The following CACNA1A variants were observed in gnomAD, a reference collection of about 807,000 sequenced individuals.
CACNA1A encodes voltage-dependent P/Q-type calcium channel subunit alpha-1A.
CACNA1A carries 57 observed loss-of-function variants against 262.4 expected under a neutral mutation model. The observed-to-expected ratio is 0.22, with a 90% CI of 0.18 to 0.27. The LOEUF is 0.27. CACNA1A is among the 10% of genes least tolerant of loss of function. The pLI is 1.00. For missense variants in CACNA1A, 2,526 were observed against 3,562.8 expected (o/e 0.71, Z 7.41); for synonymous variants, 1,431 against 1,419.3 (o/e 1.01, Z -0.18).
intron 24 of CACNA1A, chr19:13,272,047 G>A (rs908231156): frequency 2.6e-5 from 4 of 152,242 alleles, no homozygotes; most frequent in Non-Finnish European, 5.9e-5. Flanking sequence ...GCCTCCGAAA[G>A]AGCTAGGATT....
At chr19:13,235,834 A>G (rs952663139) in intron 31 of CACNA1A, 104 bp from the exon 32 acceptor site, 3 of 706,842 alleles carry the variant, frequency 4.2e-6, no homozygotes, top group South Asian at 1.7e-5. Context: ...ACAGGAAAAA[A>G]GCAAGCCAGA....
chr19:13,424,389 C>T (rs2060366288), intron 3 of CACNA1A, among the ~76,000 whole-genome samples: 1 of 152,030 alleles, frequency 6.6e-6, no homozygotes, highest in Non-Finnish European at 1.5e-5. Context: ...AACAAACAAA[C>T]AACAACAGTC....
intron 36 of CACNA1A, among the ~76,000 whole-genome samples, chr19:13,228,392 C>A (rs894252513): frequency 9.0e-4 from 136 of 151,770 alleles, no homozygotes; most frequent in Non-Finnish European, 1.6e-3. Flanking sequence ...AAGTTACAAT[C>A]CCCCAGGGGA....
chr19:13,325,420 G>A (rs2058343449), intron 10 of CACNA1A, among the ~76,000 whole-genome samples: 1 of 152,016 alleles, frequency 6.6e-6, no homozygotes, highest in Admixed American at 6.6e-5. Flanking sequence ...GGGATTATAG[G>A]CATGAGCCAC....
chr19:13,432,450 A>AAT (rs2060526550), intron 3 of CACNA1A, among the ~76,000 whole-genome samples: 1 of 151,146 alleles, frequency 6.6e-6, no homozygotes, highest in African/African-American at 2.4e-5. Flanking sequence ...TAAATAAATA[A>AAT]AAATTAAAAA....
chr19:13,261,382 C>G lies in CACNA1A; in HGVS notation c.4250+68G>C. 2.9e-6 allele frequency: 4 copies of G among 1,402,520 alleles called. No homozygotes were observed. The South Asian group carries it at 5.5e-5, about 19-fold the overall frequency. 86.9% of individuals were successfully genotyped at this position (1,402,520 alleles called of 1,614,324 possible). On this transcript the variant is annotated intron_variant, in intron 26 of 46. Coordinates refer to ENST00000360228, the MANE Select transcript of CACNA1A (RefSeq NM_001127222.2). ...AGTCTCTGAGCCCAAGTGGCCAATG[C>G]CTCTAGCCACTTCCCCCCTGCCCAC... is the stretch of plus-strand genomic sequence containing the variant.
intron 18 of CACNA1A, 31 bp from the exon 19 acceptor site, chr19:13,299,384 A>G: frequency 1.3e-6 from 2 of 1,587,336 alleles, no homozygotes; most frequent in East Asian, 2.2e-5. Flanking sequence ...GACTTAGAGC[A>G]TTGCTAGGCA....
In CACNA1A at chr19:13,241,056, T is replaced by C. The variant is rs146622171; in HGVS notation, c.4950+4126A>G. 8.5e-5 allele frequency among the ~76,000 whole-genome samples: 13 copies of C among 152,114 alleles called. No homozygotes were observed. Among genetic ancestry groups the C allele is most frequent in the East Asian group, 3.9e-4 (2 of 5,176 alleles). On this transcript the variant is annotated intron_variant, in intron 31 of 46. Coordinates refer to ENST00000360228, the MANE Select transcript of CACNA1A (RefSeq NM_001127222.2). The surrounding 1 kb of genome is among the most constrained non-coding windows in gnomAD (Gnocchi z 4.0). The stretch of plus-strand genomic sequence containing the variant: ...GATCTTGTGGGCTTGAGATGGAGGA[T>C]TGGGGACAGCAGGATGGAGAGAGCT...
chr19:13,488,497 C>T (rs1344826192), intron 1 of CACNA1A, among the ~76,000 whole-genome samples: 1 of 140,114 alleles, frequency 7.1e-6, no homozygotes, highest in Non-Finnish European at 1.5e-5. Context: ...CTCCCAGGTT[C>T]AAGCAGTTCT....
chr19:13,362,632 T>G (rs1382834074), intron 5 of CACNA1A: 1 of 152,370 alleles, frequency 6.6e-6, no homozygotes, highest in African/African-American at 2.4e-5. Flanking sequence ...TGTGAGCCAC[T>G]GCACCTGGCC....
intron 3 of CACNA1A, among the ~76,000 whole-genome samples, chr19:13,391,067 A>G (rs2059702783): frequency 6.6e-6 from 1 of 151,982 alleles, no homozygotes; most frequent in Non-Finnish European, 1.5e-5. Flanking sequence ...TTTGTATTTT[A>G]GTAGAGATGG....
chr19:13,317,541 A>G (rs908888236), intron 10 of CACNA1A, among the ~76,000 whole-genome samples: 1 of 152,156 alleles, frequency 6.6e-6, no homozygotes, highest in Non-Finnish European at 1.5e-5. Context: ...GAAGTAACCA[A>G]TTGATGGGAA....
Position 13,207,371 on chromosome 19 carries a change from G to A in CACNA1A, c.7463C>T (p.Pro2488Leu), listed in dbSNP as rs748044062. 22 of 1,548,364 alleles carry A rather than the reference G, an allele frequency of 1.4e-5. No individual in the cohort carries two copies. Among genetic ancestry groups the A allele is most frequent in the South Asian group, 1.2e-4 (10 of 85,738 alleles). The change falls in exon 47 of 47, where the codon CCG becomes CTG. Residue 2488 changes from proline (P) to leucine (L), a missense_variant. Physicochemically the swap from Pro to Leu is moderately conservative, Grantham distance 98 (BLOSUM62 -3). This residue lies in a region of CACNA1A where 929 missense variants were observed against 868.1 expected (regional missense o/e 1.07). Transcript: ENST00000360228. This position sits in a 1 kb window ranked among gnomAD's most constrained non-coding sequence, Gnocchi z 5.7. Reference sequence around the variant, plus strand: ...TTCGTGCAGGCCCTTCCTGGAGCCCGGCCCGCGGGGCCTGGCCAGTCCGTG... The same window carrying A: ...TTCGTGCAGGCCCTTCCTGGAGCCCAGCCCGCGGGGCCTGGCCAGTCCGTG... The part of the protein sequence containing the change: ...PAHGLARPRG[P>L]GSRKGLHEPY...
At chr19:13,347,709 C>T (rs184516178) in intron 6 of CACNA1A, among the ~76,000 whole-genome samples, 4 of 152,272 alleles carry the variant, frequency 2.6e-5, no homozygotes, top group Non-Finnish European at 4.4e-5. Context: ...CCCACCAACA[C>T]GTCAACTCCT....
chr19:13,399,698 ACCAACCT>A (rs907326108), intron 3 of CACNA1A, among the ~76,000 whole-genome samples: 3 of 152,000 alleles, frequency 2.0e-5, no homozygotes, highest in Non-Finnish European at 4.4e-5. Context: ...AAAAACAACC[ACCAACCT>A]CCACCTTTCT....
chr19:13,381,600 T>A (rs534644015), intron 3 of CACNA1A, among the ~76,000 whole-genome samples: 1 of 152,156 alleles, frequency 6.6e-6, no homozygotes, highest in African/African-American at 2.4e-5. Flanking sequence ...CATATGAATA[T>A]GTCAGGGAAA....
chr19:13,355,944 A>G (rs1349003436), intron 6 of CACNA1A, among the ~76,000 whole-genome samples: 8 of 152,178 alleles, frequency 5.3e-5, no homozygotes, highest in Admixed American at 5.2e-4. Context: ...GCCACTGCCA[A>G]GTGTCCCCTG....
At chr19:13,209,147 G>T in intron 45 of CACNA1A, 138 bp from the exon 46 acceptor site, 3 of 1,367,632 alleles carry the variant, frequency 2.2e-6, no homozygotes, top group Non-Finnish European at 3.0e-6. Flanking sequence ...GGGTTGGGGG[G>T]AGGGGGTAGT....
At chr19:13,459,836 A>AG (rs1418880459) in intron 1 of CACNA1A, among the ~76,000 whole-genome samples, 2 of 152,196 alleles carry the variant, frequency 1.3e-5, no homozygotes, top group African/African-American at 4.8e-5. Context: ...GAAGAGTCCC[A>AG]GAAGTCCACC....
Sources: allele counts gnomAD v4.1 joint callset (sites outside exome capture counted in the v4.1 genomes callset), GRCh38; gene constraint gnomAD v4.1.1; regional missense constraint gnomAD v4.1.1; non-coding constraint Gnocchi (gnomAD v3.1); transcripts MANE v1.5; gene names NCBI Gene and HGNC (gene_info 2026-07-23, HGNC 2026-07-21).